The following NPAS1 variants were observed in gnomAD, a reference collection of about 807,000 sequenced individuals.
The protein encoded by NPAS1 is neuronal PAS domain-containing protein 1.
A neutral mutation model predicts 49.2 loss-of-function variants in NPAS1; 29 were observed. The observed-to-expected ratio is 0.59, with a 90% CI of 0.44 to 0.80. NPAS1 has a LOEUF of 0.80. Ranked by LOEUF, NPAS1 falls within the 30% of genes least tolerant of loss-of-function variation. NPAS1 has a pLI of 0.00. For synonymous variants in NPAS1, 408 were observed against 380.4 expected (o/e 1.07, Z -0.84); for missense variants, 825 against 835.5 (o/e 0.99, Z 0.15).
chr19:47,032,633 C>G lies in NPAS1; in HGVS notation c.433-10C>G. The G allele has an allele frequency of 6.2e-7, 1 of 1,613,336 alleles. No individual in the cohort carries two copies. Among genetic ancestry groups the G allele is most frequent in the South Asian group, 1.1e-5 (1 of 91,060 alleles). Reference sequence around the variant, plus strand: ...CTCTCCTTCCCCCTCCCTGTCTCTCCCGGCTCTAGTCCCTGGATGGCTTTG... The same window carrying G: ...CTCTCCTTCCCCCTCCCTGTCTCTCGCGGCTCTAGTCCCTGGATGGCTTTG... On this transcript the variant is annotated splice_polypyrimidine_tract_variant and intron_variant, in intron 4 of 11. Transcript: ENST00000602212.
intron 3 of NPAS1, among the ~76,000 whole-genome samples, chr19:47,022,617 G>A (rs963909803): frequency 2.0e-5 from 3 of 152,148 alleles, no homozygotes; most frequent in African/African-American, 7.2e-5. Context: ...GGAGGGGGCG[G>A]GGGGGCTGTC....
At chr19:47,037,338 C>CAAAAAA (rs869125845) in intron 6 of NPAS1, among the ~76,000 whole-genome samples, 29 of 51,788 alleles carry the variant, frequency 5.6e-4, no homozygotes, top group African/African-American at 2.3e-3. Flanking sequence ...ACTCCGTCTC[C>CAAAAAA]AAAAAAAAAA....
At chr19:47,028,056 T>C (rs2056885284) in intron 3 of NPAS1, among the ~76,000 whole-genome samples, 1 of 151,892 alleles carries the variant, frequency 6.6e-6, no homozygotes, top group African/African-American at 2.4e-5. Flanking sequence ...CGGACCCGTG[T>C]ATGGGGAAGA....
intron 3 of NPAS1, among the ~76,000 whole-genome samples, chr19:47,022,909 C>G (rs2056850440): frequency 1.3e-5 from 2 of 152,154 alleles, no homozygotes; most frequent in Admixed American, 1.3e-4. Context: ...TTTGTTACAG[C>G]TTTGCGGTGA....
At chr19:47,035,919 G>A in intron 5 of NPAS1, 45 bp from the exon 6 acceptor site, 1 of 1,464,800 alleles carries the variant, frequency 6.8e-7, no homozygotes, top group Non-Finnish European at 9.0e-7. Flanking sequence ...GAGTTACTGC[G>A]CGCGCACCTC....
chr19:47,040,911 C>A, intron 9 of NPAS1, 67 bp from the exon 10 acceptor site: 1 of 1,341,286 alleles, frequency 7.5e-7, no homozygotes, highest in Non-Finnish European at 9.9e-7. Context: ...CTCCTGTCTA[C>A]CTGGCTCTCT....
rs1430550417 is a variant in NPAS1 at position 47,028,054 on chromosome 19, T to A, written c.359-4224T>A. Reference sequence around the variant, plus strand: ...TCCCTTTCACAGGGGACCGGACCCGTGTATGGGGAAGAGCAGGTCCCCAAG... The same window carrying A: ...TCCCTTTCACAGGGGACCGGACCCGAGTATGGGGAAGAGCAGGTCCCCAAG... On this transcript the variant is annotated intron_variant, in intron 3 of 11. Coordinates refer to ENST00000602212, the MANE Select transcript of NPAS1 (RefSeq NM_002517.4). Among the ~76,000 whole-genome samples the A allele has an allele frequency of 2.0e-5, 3 of 151,736 alleles. No homozygotes were observed. In the East Asian group the frequency reaches 5.8e-4, roughly 29 times the overall value.
chr19:47,045,495 C>T lies in NPAS1; in HGVS notation c.1617C>T (p.Pro539=), dbSNP rs748502053. ...LPPVVRGLCT[P]GTIRYGPAEL... ...CGGTGGTGCGGGGCCTGTGCACACC[C>T]GGCACCATCCGCTACGGCCCCGCGG... The change falls in exon 12 of 12, where the codon CCC becomes CCT. Residue 539 remains proline (P), a synonymous_variant. Coordinates refer to ENST00000602212, the MANE Select transcript of NPAS1 (RefSeq NM_002517.4). The T allele has an allele frequency of 2.3e-5, 36 of 1,557,340 alleles. No homozygotes were observed. Among genetic ancestry groups the T allele is most frequent in the Middle Eastern group, 4.3e-4 (2 of 4,696 alleles).
At position 47,032,974 on chromosome 19, in the gene NPAS1, C is replaced by A. The variant is rs555087648; in HGVS notation, c.522+242C>A. Among the ~76,000 whole-genome samples the A allele has an allele frequency of 1.6e-4, 24 of 152,324 alleles. 2 individuals carry two copies. In the South Asian group the frequency reaches 4.6e-3, roughly 29 times the overall value. On this transcript the variant is annotated intron_variant, in intron 5 of 11. Transcript: ENST00000602212. ...TTTGTTTTTGAGACGGAGTCTCGCT[C>A]TATCACCCAGGCTGGAGTGCAGTGG... is the stretch of plus-strand genomic sequence containing the variant.
At chr19:47,032,802 CCT>C (rs1193474054) in intron 5 of NPAS1, 70 bp downstream of exon 5, 1 of 1,116,752 alleles carries the variant, frequency 9.0e-7, no homozygotes, top group Admixed American at 1.7e-5. Context: ...GCATATCCTT[CCT>C]CTCTCCTGGT....
chr19:47,032,930 T>C (rs2056917856), intron 5 of NPAS1, among the ~76,000 whole-genome samples, 198 bp downstream of exon 5: 3 of 152,192 alleles, frequency 2.0e-5, no homozygotes, highest in Admixed American at 6.5e-5. Flanking sequence ...AGGGCTATTG[T>C]TTTTTGTTTG....
chr19:47,038,825 CAAAAAA>C (rs879466330), intron 6 of NPAS1, among the ~76,000 whole-genome samples: 2 of 144,994 alleles, frequency 1.4e-5, no homozygotes, highest in African/African-American at 2.5e-5. Context: ...TATTCAGTCT[CAAAAAA>C]AAAAAGAAAG....
intron 5 of NPAS1, among the ~76,000 whole-genome samples, chr19:47,035,663 G>C (rs2056946316): frequency 6.6e-6 from 1 of 152,138 alleles, no homozygotes; most frequent in Admixed American, 6.5e-5. Flanking sequence ...TGAGTAAGCA[G>C]GAGTTGGGTA....
intron 3 of NPAS1, among the ~76,000 whole-genome samples, chr19:47,024,865 A>C (rs994294992): frequency 6.9e-6 from 1 of 144,612 alleles, no homozygotes; most frequent in African/African-American, 2.6e-5. Flanking sequence ...GCTGGAGTGC[A>C]GTGTTGCAAT....
At chr19:47,035,104 C>G (rs955357468) in intron 5 of NPAS1, among the ~76,000 whole-genome samples, 2 of 151,768 alleles carry the variant, frequency 1.3e-5, no homozygotes, top group Non-Finnish European at 2.9e-5. Context: ...TTGCTTGAAC[C>G]TGGGAGGCAG....
intron 3 of NPAS1, among the ~76,000 whole-genome samples, chr19:47,027,503 GTCTCCCATCTCTCTGCCCCTGT>G (rs1568501497): frequency 6.0e-5 from 3 of 49,744 alleles, no homozygotes; most frequent in Non-Finnish European, 1.3e-4. Flanking sequence ...TCTGCCCCTG[GTCTCCCATCTCTCTGCCCCTGT>G]TCTCCCTTCT....
rs528408309 is a variant in NPAS1, at chr19:47,021,020, G to A, written c.-28G>A. 5 of 1,577,998 alleles carry A rather than the reference G, an allele frequency of 3.2e-6. No homozygotes were observed. The highest frequency in any genetic ancestry group is 2.3e-5 in the East Asian group (1 of 42,808). The stretch of plus-strand genomic sequence containing the variant: ...TCCCGCTGCAGGAGACTCGGGGCTC[G>A]GAGCCCGCCTGAGCGAGCCCCCCGG... On this transcript the variant is annotated 5_prime_UTR_variant, in exon 2 of 12. Coordinates refer to ENST00000602212, the MANE Select transcript of NPAS1 (RefSeq NM_002517.4). The surrounding 1 kb of genome is among the most constrained non-coding windows in gnomAD (Gnocchi z 5.7).
intron 6 of NPAS1, among the ~76,000 whole-genome samples, chr19:47,037,043 C>A (rs1599911481): frequency 7.6e-6 from 1 of 132,126 alleles, no homozygotes. Flanking sequence ...GTGACAGAGC[C>A]AGTGTCTGGA....
At position 47,037,326 on chromosome 19, in the gene NPAS1, A is replaced by G. The variant is rs968191534; in HGVS notation, c.688+1197A>G. Among the ~76,000 whole-genome samples the G allele has an allele frequency of 8.5e-5, 10 of 117,202 alleles. No individual in the cohort carries two copies. The Admixed American group carries it at 1.1e-3, about 12-fold the overall frequency. The allele number at this position is 117,202 out of a possible 152,430, so 76.9% of individuals were successfully genotyped here. On this transcript the variant is annotated intron_variant, in intron 6 of 11. Transcript: ENST00000602212. ...AGATCAGGCCATTGCACTCTGAGTG[A>G]GACTCCGTCTCCAAAAAAAAAAAAA...
Sources: allele counts gnomAD v4.1 joint callset (sites outside exome capture counted in the v4.1 genomes callset), GRCh38; gene constraint gnomAD v4.1.1; non-coding constraint Gnocchi (gnomAD v3.1); transcripts MANE v1.5; gene names NCBI Gene and HGNC (gene_info 2026-07-23, HGNC 2026-07-21).